Variants in MAST1 observed in about 807,000 individuals in gnomAD.
MAST1 encodes the protein microtubule associated serine/threonine kinase 1.
In MAST1, 40 loss-of-function variants were observed where a neutral mutation model predicts 124.6. The ratio of observed to expected loss-of-function variants is 0.32; its 90% CI spans 0.25 to 0.42. MAST1 has a LOEUF of 0.42. MAST1 is among the 10% of genes least tolerant of loss of function. The probability of loss-of-function intolerance (pLI) is 1.00; values close to 1 mark genes in which losing one functional copy is unlikely to be tolerated. For synonymous variants in MAST1, 938 were observed against 939.4 expected, an observed-to-expected ratio of 1.00 and a Z score of 0.03; for missense variants, 1,558 against 2,181.9, an observed-to-expected ratio of 0.71 and a Z score of 5.70.
In MAST1 at chr19:12,874,708, C is replaced by A; in HGVS notation, c.4551C>A (p.Cys1517Ter). Residue 1517 changes from cysteine (C) to a stop codon, truncating the protein, a stop_gained, in exon 26 of 26, where the codon TGC (cysteine) becomes TGA (stop). Transcript: ENST00000251472. LOFTEE classifies it low-confidence loss of function (END_TRUNC). This position sits in a 1 kb window ranked among gnomAD's most constrained non-coding sequence, Gnocchi z 6.6. ...PQTPSLAPAK[C>*]SAPSSAVTPV... ...CACCCTCCCTAGCCCCAGCGAAGTGCAGTGCACCCAGCAGTGCAGTGACCC... is the reference window on the plus strand; with the variant it reads ...CACCCTCCCTAGCCCCAGCGAAGTGAAGTGCACCCAGCAGTGCAGTGACCC... 6.3e-7 allele frequency: 1 copy of A among 1,585,080 alleles called. No individual in the cohort carries two copies. The highest frequency in any genetic ancestry group is 1.1e-5 in the South Asian group (1 of 88,428).
intron 1 of MAST1, among the ~76,000 whole-genome samples, chr19:12,839,409 A>G (rs1969800523): frequency 2.0e-5 from 3 of 152,222 alleles, no homozygotes; most frequent in Admixed American, 2.0e-4. Context: ...AGATGCAAAC[A>G]TGTGTTTCAA....
At chr19:12,854,082 T>C (rs1969993633) in intron 10 of MAST1, among the ~76,000 whole-genome samples, 1 of 150,590 alleles carries the variant, frequency 6.6e-6, no homozygotes, top group South Asian at 2.1e-4. Flanking sequence ...CAACCACTAA[T>C]CTATTTTCTC....
In MAST1 at chr19:12,865,919, G is replaced by C; in HGVS notation, c.1907-61G>C. 1 of 1,610,800 alleles carries C rather than the reference G, an allele frequency of 6.2e-7. No individual in the cohort carries two copies. The highest frequency in any genetic ancestry group is 2.2e-5 in the East Asian group (1 of 44,856). On this transcript the variant is annotated intron_variant, in intron 16 of 25. Transcript: ENST00000251472. This position sits in a 1 kb window ranked among gnomAD's most constrained non-coding sequence, Gnocchi z 7.1. ...CTGTGGCCCCGGGGCGGAAGACATG[G>C]GGGGCGGGGCTGGGCTGCTGGGTTG...
chr19:12,848,933 G>A (rs1271188576), intron 7 of MAST1: 1 of 152,206 alleles, frequency 6.6e-6, no homozygotes, highest in Non-Finnish European at 1.5e-5. Context: ...ACTCCAGTCT[G>A]AGCAACAAGA....
intron 12 of MAST1, among the ~76,000 whole-genome samples, chr19:12,861,859 C>T (rs532769037): frequency 3.3e-5 from 5 of 151,872 alleles, no homozygotes; most frequent in East Asian, 3.9e-4. Flanking sequence ...CCCGCCACCA[C>T]GCCCACCTAA....
intron 22 of MAST1, among the ~76,000 whole-genome samples, chr19:12,869,966 G>C (rs543268435): frequency 6.6e-5 from 10 of 151,484 alleles, no homozygotes; most frequent in African/African-American, 2.4e-4. Flanking sequence ...TGGATCATGA[G>C]GTCAGGAGAT....
rs139597728 is a variant in MAST1 at position 12,852,631 on chromosome 19, G to GAGTTCGT, written c.1077+242_1077+243insTAGTTCG. Among the ~76,000 whole-genome samples, 1,026 of 151,904 alleles carry GAGTTCGT rather than the reference G, an allele frequency of 6.8e-3. 8 individuals carry two copies. Among genetic ancestry groups the GAGTTCGT allele is most frequent in the African/African-American group, 0.024 (982 of 41,404 alleles). ...AGGTGGGCAGATCACCTGAGGTCGG[G>GAGTTCGT]AGTTCGAGACCAGCCTAACCAACAT... On this transcript the variant is annotated intron_variant, in intron 10 of 25. Coordinates refer to ENST00000251472, the MANE Select transcript of MAST1 (RefSeq NM_014975.3).
intron 7 of MAST1, among the ~76,000 whole-genome samples, chr19:12,849,825 C>G (rs1196332628): frequency 6.6e-6 from 1 of 151,692 alleles, no homozygotes; most frequent in Non-Finnish European, 1.5e-5. Context: ...GAGACAGAGT[C>G]TCACTCTATC....
rs1970201580 is a variant in MAST1 at position 12,869,207 on chromosome 19, G to T, written c.2915G>T (p.Arg972Leu). The T allele has an allele frequency of 1.2e-6, 2 of 1,614,122 alleles. No individual in the cohort carries two copies. Among genetic ancestry groups the T allele is most frequent in the African/African-American group, 1.3e-5 (1 of 75,016 alleles). Residue 972 changes from arginine (R) to leucine (L), a missense_variant, in exon 22 of 26, where the codon CGC becomes CTC. Around this residue, in one of 10 missense-constraint regions of MAST1, gnomAD observed 291 missense variants for 475.8 expected, o/e 0.61. Transcript: ENST00000251472. ...CTCCGCTCCCCCATCACCATCCAGC[G>T]CTCGGGCAAGAAGTATGGCTTCACA... ...SGLRSPITIQRSGKKYGFTLR... is the reference protein window; with the variant it reads ...SGLRSPITIQLSGKKYGFTLR...
chr19:12,853,504 C>T (rs953447003), intron 10 of MAST1, among the ~76,000 whole-genome samples: 1 of 151,606 alleles, frequency 6.6e-6, no homozygotes, highest in African/African-American at 2.4e-5. Context: ...TTCAGTAAGC[C>T]ATGATCACAC....
At position 12,874,575 on chromosome 19, in the gene MAST1, C is replaced by T. The variant is rs1049820817; in HGVS notation, c.4418C>T (p.Ala1473Val). Residue 1473 changes from alanine (A) to valine (V), a missense_variant, in exon 26 of 26, where the codon GCC becomes GTC. Coordinates refer to ENST00000251472, the MANE Select transcript of MAST1 (RefSeq NM_014975.3). This position sits in a 1 kb window ranked among gnomAD's most constrained non-coding sequence, Gnocchi z 6.6. ...CCCCTGGCGCCTTCCGTGCCCGAGG[C>T]CCCCCGGGGCCGGGAGCGCTGGGTG... ...PAPLAPSVPEAPRGRERWVLE... is the reference protein window; with the variant it reads ...PAPLAPSVPEVPRGRERWVLE... 13 of 1,505,542 alleles carry T rather than the reference C, an allele frequency of 8.6e-6. No homozygotes were observed. Among genetic ancestry groups the T allele is most frequent in the Non-Finnish European group, 1.2e-5 (13 of 1,129,630 alleles). 93.3% of individuals were successfully genotyped at this position (1,505,542 alleles called of 1,614,324 possible).
At position 12,869,122 on chromosome 19, in the gene MAST1, T is replaced by C; in HGVS notation, c.2830T>C (p.Ser944Pro). The C allele has an allele frequency of 6.2e-7, 1 of 1,614,176 alleles. No homozygotes were observed. The highest frequency in any genetic ancestry group is 8.5e-7 in the Non-Finnish European group (1 of 1,180,032). ...TCCCATGTCTCCACGATCTCTGTCC[T>C]CCAACCCATCCTCACGGGACTCCTC... Reference protein sequence around the residue: ...ASPMSPRSLSSNPSSRDSSPS... With the variant: ...ASPMSPRSLSPNPSSRDSSPS... Residue 944 changes from serine (S) to proline (P), a missense_variant, in exon 22 of 26, where the codon TCC becomes CCC. Ser to Pro is a moderately conservative substitution (Grantham distance 74, BLOSUM62 -1). This residue lies in a region of MAST1 where 291 missense variants were observed against 475.8 expected (regional missense o/e 0.61). Transcript: ENST00000251472.
In MAST1 at chr19:12,867,366, C is replaced by T. The variant is rs1970168329; in HGVS notation, c.2140-108C>T. 4 of 1,275,140 alleles carry T rather than the reference C, an allele frequency of 3.1e-6. No individual in the cohort carries two copies. The African/African-American group carries it at 4.4e-5, about 14-fold the overall frequency. The allele number at this position is 1,275,140 out of a possible 1,614,324, so 79.0% of individuals were successfully genotyped here. Reference sequence around the variant, plus strand: ...TCATGCACAATTGGGCGGAGCCAGGCCTCGGAGGGTGGAGTGCGTTTTGCG... The same window carrying T: ...TCATGCACAATTGGGCGGAGCCAGGTCTCGGAGGGTGGAGTGCGTTTTGCG... On this transcript the variant is annotated intron_variant, in intron 18 of 25. Transcript: ENST00000251472.
chr19:12,873,309 C>T lies in MAST1; in HGVS notation c.3264-15C>T, dbSNP rs575457365. The T allele has an allele frequency of 5.0e-6, 8 of 1,609,338 alleles. No individual in the cohort carries two copies. Among genetic ancestry groups the T allele is most frequent in the South Asian group, 2.2e-5 (2 of 90,886 alleles). On this transcript the variant is annotated splice_polypyrimidine_tract_variant and intron_variant, in intron 24 of 25. Transcript: ENST00000251472. Reference sequence around the variant, plus strand: ...GTCCAGGTCAAGGACGCTTGGCCCCCTCCCTGTCCCGCAGCAAGAAGCGCA... The same window carrying T: ...GTCCAGGTCAAGGACGCTTGGCCCCTTCCCTGTCCCGCAGCAAGAAGCGCA...
At position 12,866,503 on chromosome 19, in the gene MAST1, C is replaced by T. The variant is rs535849783; in HGVS notation, c.2030-150C>T. The stretch of plus-strand genomic sequence containing the variant: ...ATGGGGCAAGGACCTTGCCTGGGAG[C>T]GGAGCCTAAATTAAATACACTAATG... On this transcript the variant is annotated intron_variant, in intron 17 of 25. Transcript: ENST00000251472. This position sits in a 1 kb window ranked among gnomAD's most constrained non-coding sequence, Gnocchi z 5.2. 84 of 623,224 alleles carry T rather than the reference C, an allele frequency of 1.3e-4. No individual in the cohort carries two copies. The Middle Eastern group carries it at 1.7e-3, about 12-fold the overall frequency. The allele number at this position is 623,224 out of a possible 1,614,324, so 38.6% of individuals were successfully genotyped here. A position where few individuals can be genotyped will look rare whatever the true frequency, so the allele number is the denominator to read the frequency against.
intron 12 of MAST1, among the ~76,000 whole-genome samples, chr19:12,860,127 T>G (rs1036511011): frequency 8.5e-5 from 13 of 152,250 alleles, no homozygotes; most frequent in African/African-American, 3.1e-4. Context: ...TTTCTTTTTT[T>G]TGGGGGGGAC....
intron 7 of MAST1, among the ~76,000 whole-genome samples, chr19:12,849,818 A>G (rs1969940077): frequency 6.6e-6 from 1 of 151,370 alleles, no homozygotes; most frequent in Non-Finnish European, 1.5e-5. Context: ...TTTTTTGGAG[A>G]CAGAGTCTCA....
At position 12,865,667 on chromosome 19, in the gene MAST1, AAAC is replaced by A. The variant is rs146361171; in HGVS notation, c.1805-35_1805-33del. On this transcript the variant is annotated intron_variant, in intron 15 of 25. Coordinates refer to ENST00000251472, the MANE Select transcript of MAST1 (RefSeq NM_014975.3). This position sits in a 1 kb window ranked among gnomAD's most constrained non-coding sequence, Gnocchi z 7.1. ...GGTGACACAGTGAGATCCTGTGTCC[AAAC>A]AACAACAACAACAAAAACCGCCCCT... 0.3 allele frequency: 450,543 copies of A among 1,501,304 alleles called. 73,603 individuals are homozygous for A. Among genetic ancestry groups the A allele is most frequent in the East Asian group, 0.67 (29,276 of 43,878 alleles). The allele number at this position is 1,501,304 out of a possible 1,614,324, so 93.0% of individuals were successfully genotyped here. A position where few individuals can be genotyped will look rare whatever the true frequency, so the allele number is the denominator to read the frequency against.
In MAST1 at chr19:12,865,781, C is replaced by T. The variant is rs1305288740; in HGVS notation, c.1869C>T (p.Ser623=). The T allele has an allele frequency of 2.5e-6, 4 of 1,613,932 alleles. No individual in the cohort carries two copies. Among genetic ancestry groups the T allele is most frequent in the Admixed American group, 3.3e-5 (2 of 60,016 alleles). ...LPTEAQLLIS[S]LLQTNPLVRL... ...CGGAGGCCCAACTCCTCATATCCAG[C>T]CTCCTGCAGACCAACCCTCTGGTCA... The change falls in exon 16 of 26, where the codon AGC becomes AGT. Residue 623 remains serine, a synonymous_variant. Coordinates refer to ENST00000251472, the MANE Select transcript of MAST1 (RefSeq NM_014975.3). The surrounding 1 kb of genome is among the most constrained non-coding windows in gnomAD (Gnocchi z 7.1).
Sources: allele counts gnomAD v4.1 joint callset (sites outside exome capture counted in the v4.1 genomes callset), GRCh38; gene constraint gnomAD v4.1.1; regional missense constraint gnomAD v4.1.1; non-coding constraint Gnocchi (gnomAD v3.1); transcripts MANE v1.5; gene names NCBI Gene and HGNC (gene_info 2026-07-23, HGNC 2026-07-21).